HIVEP3: variants seen among roughly 807,000 people sequenced by gnomAD.
The protein encoded by HIVEP3 is HIVEP zinc finger 3.
Under a neutral mutation model 152.8 loss-of-function variants are expected in HIVEP3, and 49 were observed. The observed-to-expected ratio is 0.32, with a 90% CI of 0.26 to 0.41. HIVEP3 has a LOEUF of 0.41. Ranked by LOEUF, HIVEP3 falls within the 10% of genes least tolerant of loss-of-function variation. The pLI is 1.00. For synonymous variants in HIVEP3, 1,269 were observed against 1,289.0 expected, an observed-to-expected ratio of 0.98 and a Z score of 0.33; for missense variants, 2,790 against 3,103.3, an observed-to-expected ratio of 0.90 and a Z score of 2.40.
chr1:41,686,086 T>TTTTG (rs1558179681), intron 2 of HIVEP3, among the ~76,000 whole-genome samples: 6 of 135,072 alleles, frequency 4.4e-5, no homozygotes, highest in Non-Finnish European at 7.6e-5. Context: ...GTTTTGTTTT[T>TTTTG]TTTGAGATGG....
At chr1:41,775,221 A>T (rs552466365) in intron 1 of HIVEP3, among the ~76,000 whole-genome samples, 2 of 152,312 alleles carry the variant, frequency 1.3e-5, no homozygotes, top group South Asian at 4.1e-4. Flanking sequence ...CCATTCGTCC[A>T]TCATATTCTG....
chr1:41,978,792 A>G (rs1645277000), intron 1 of HIVEP3, among the ~76,000 whole-genome samples: 1 of 152,126 alleles, frequency 6.6e-6, no homozygotes, highest in Non-Finnish European at 1.5e-5. Context: ...CTAAAATGCA[A>G]TATTAGAATC....
chr1:41,924,815 A>C (rs1294232222), intron 1 of HIVEP3, among the ~76,000 whole-genome samples: 3 of 152,194 alleles, frequency 2.0e-5, no homozygotes, highest in African/African-American at 7.2e-5. Context: ...CTTTGGGTAC[A>C]TACAAAACAA....
chr1:41,787,535 CTTTT>C (rs200281948), intron 1 of HIVEP3, among the ~76,000 whole-genome samples: 4 of 122,838 alleles, frequency 3.3e-5, no homozygotes, highest in Non-Finnish European at 6.9e-5. Context: ...TTCTTTCTTT[CTTTT>C]TTTTTTTTTT....
At chr1:41,562,633 C>T (rs1553227851) in intron 5 of HIVEP3, among the ~76,000 whole-genome samples, 2 of 71,400 alleles carry the variant, frequency 2.8e-5, no homozygotes, top group Admixed American at 1.2e-4. Flanking sequence ...CTCTCTCTCT[C>T]CCTCTCTCTC....
At chr1:41,749,179 G>A (rs1253395282) in intron 1 of HIVEP3, among the ~76,000 whole-genome samples, 1 of 152,188 alleles carries the variant, frequency 6.6e-6, no homozygotes, top group Admixed American at 6.5e-5. Context: ...GGCATAAAAA[G>A]GTATGATGGG....
intron 6 of HIVEP3, among the ~76,000 whole-genome samples, chr1:41,523,979 T>A (rs1485368642): frequency 1.3e-5 from 2 of 152,204 alleles, no homozygotes; most frequent in Non-Finnish European, 2.9e-5. Context: ...AAGAATCTCA[T>A]GGACTCAGCT....
At chr1:41,919,146 T>TAC (rs748394053), upstream of HIVEP3, among the ~76,000 whole-genome samples, 9 of 152,176 alleles carry the variant, frequency 5.9e-5, no homozygotes, top group Non-Finnish European at 1.0e-4. Flanking sequence ...TATATATATA[T>TAC]ACGTGGAGAG....
At chr1:41,574,291 A>G (rs1644294699) in intron 5 of HIVEP3, among the ~76,000 whole-genome samples, 1 of 152,106 alleles carries the variant, frequency 6.6e-6, no homozygotes, top group Non-Finnish European at 1.5e-5. Context: ...CTCTAACCAA[A>G]CAGCAGGAGG....
At chr1:41,609,130 T>C (rs1032353603) in intron 3 of HIVEP3, among the ~76,000 whole-genome samples, 1 of 152,096 alleles carries the variant, frequency 6.6e-6, no homozygotes, top group Non-Finnish European at 1.5e-5. Flanking sequence ...TGGGCACTTG[T>C]GCTCCAGGAC....
intron 7 of HIVEP3, among the ~76,000 whole-genome samples, chr1:41,515,238 G>A (rs933348859): frequency 1.2e-4 from 18 of 152,214 alleles, no homozygotes; most frequent in Non-Finnish European, 1.9e-4. Context: ...CAGCTGCCCC[G>A]GGGCCAGAAA....
rs1386481725 is a variant in HIVEP3 at position 41,762,044 on chromosome 1, C to T, written c.-800-61049G>A. 3.9e-5 allele frequency among the ~76,000 whole-genome samples: 6 copies of T among 152,180 alleles called. No homozygotes were observed. The East Asian group carries it at 9.6e-4, about 24-fold the overall frequency. ...CTATTTTACACATACCTACCCTTCC[C>T]TAATTGGTTTTTTACACTGTCATGC... On this transcript the variant is annotated intron_variant, in intron 1 of 8. Transcript: ENST00000372583.
chr1:41,982,974 C>T (rs896015749), intron 1 of HIVEP3, among the ~76,000 whole-genome samples: 9 of 152,326 alleles, frequency 5.9e-5, no homozygotes, highest in South Asian at 2.1e-4. Context: ...AGCAGGGGAA[C>T]GGTTTCAGGA....
chr1:41,591,784 G>A (rs764343637), intron 3 of HIVEP3, among the ~76,000 whole-genome samples: 1 of 152,086 alleles, frequency 6.6e-6, no homozygotes, highest in Non-Finnish European at 1.5e-5. Context: ...AAATAGAAGA[G>A]TCACATGAGC....
At chr1:41,744,388 T>C (rs1039619537) in intron 1 of HIVEP3, among the ~76,000 whole-genome samples, 2 of 152,234 alleles carry the variant, frequency 1.3e-5, no homozygotes, top group Admixed American at 1.3e-4. Context: ...AAGTGCCTAC[T>C]GCATGCAGTG....
chr1:41,778,208 G>A (rs887966047), intron 1 of HIVEP3, among the ~76,000 whole-genome samples: 5 of 152,320 alleles, frequency 3.3e-5, no homozygotes, highest in South Asian at 2.1e-4. Context: ...ATTTCCTGGC[G>A]TTTGAGTGGA....
intron 1 of HIVEP3, among the ~76,000 whole-genome samples, chr1:41,782,805 AGAG>A (rs1649129556): frequency 6.6e-6 from 1 of 152,204 alleles, no homozygotes; most frequent in Admixed American, 6.5e-5. Flanking sequence ...AAGTGACTAC[AGAG>A]GAGTTTAAGA....
intron 1 of HIVEP3, among the ~76,000 whole-genome samples, chr1:41,840,991 C>G (rs1235406688): frequency 6.6e-6 from 1 of 152,202 alleles, no homozygotes; most frequent in African/African-American, 2.4e-5. Context: ...CTTGCTAAAT[C>G]AAAGGGCTGT....
chr1:41,637,908 T>A (rs1251618935), intron 2 of HIVEP3, among the ~76,000 whole-genome samples: 9 of 152,054 alleles, frequency 5.9e-5, no homozygotes, highest in Non-Finnish European at 1.3e-4. Context: ...TTTTACAAGA[T>A]GAAAACAGTT....
Sources: allele counts gnomAD v4.1 joint callset (sites outside exome capture counted in the v4.1 genomes callset), GRCh38; gene constraint gnomAD v4.1.1; transcripts MANE v1.5; gene names NCBI Gene and HGNC (gene_info 2026-07-23, HGNC 2026-07-21).